TMEM182: variants seen among roughly 807,000 people sequenced by gnomAD.
The protein encoded by TMEM182 is transmembrane protein 182.
In TMEM182, 20 loss-of-function variants were observed where a neutral mutation model predicts 26.8. The ratio of observed to expected loss-of-function variants is 0.75; its 90% CI spans 0.53 to 1.09. TMEM182 has a LOEUF of 1.09. Among genes scored for constraint, TMEM182 ranks in the 50% least tolerant of loss-of-function variants. The pLI is 0.00. For missense variants in TMEM182, 277 were observed against 275.5 expected, an observed-to-expected ratio of 1.01 and a Z score of -0.04; for synonymous variants, 109 against 102.2, an observed-to-expected ratio of 1.07 and a Z score of -0.40.
chr2:102,812,311 A>G (rs1361152407), intron 4 of TMEM182, among the ~76,000 whole-genome samples: 4 of 151,176 alleles, frequency 2.6e-5, no homozygotes, highest in Non-Finnish European at 4.4e-5. Flanking sequence ...TTCCATATCC[A>G]CTAAACCATT....
intron 3 of TMEM182, among the ~76,000 whole-genome samples, chr2:102,792,445 T>C (rs559276976): frequency 6.6e-6 from 1 of 152,328 alleles, no homozygotes; most frequent in South Asian, 2.1e-4. Flanking sequence ...CATGTTTCAG[T>C]TCCCAAATGA....
chr2:102,801,329 A>C (rs1227231530), intron 4 of TMEM182, among the ~76,000 whole-genome samples: 1 of 152,172 alleles, frequency 6.6e-6, no homozygotes, highest in Non-Finnish European at 1.5e-5. Context: ...TAACATCCTG[A>C]GACTGGGCCC....
chr2:102,805,269 G>A (rs1682304402), intron 4 of TMEM182, among the ~76,000 whole-genome samples: 1 of 152,174 alleles, frequency 6.6e-6, no homozygotes, highest in Non-Finnish European at 1.5e-5. Context: ...ACTAATATGG[G>A]AGAAAATGAG....
Position 102,817,059 on chromosome 2 carries a change from C to T in TMEM182, c.*2091C>T, listed in dbSNP as rs10204500. 2.6e-3 allele frequency: 2,528 copies of T among 985,494 alleles called. 61 individuals carry two copies. In the African/African-American group the frequency reaches 0.041, roughly 16 times the overall value. 61.0% of individuals were successfully genotyped at this position (985,494 alleles called of 1,614,324 possible). A position where few individuals can be genotyped will look rare whatever the true frequency, so the allele number is the denominator to read the frequency against. On this transcript the variant is annotated 3_prime_UTR_variant, in exon 5 of 5. Coordinates refer to ENST00000412401, the MANE Select transcript of TMEM182 (RefSeq NM_144632.5). ...ATAGTTGTAATGCATCAATCAAATA[C>T]ATTTCAAGCACATTTCTTGATCAAT...
At chr2:102,828,689 T>G (rs1683091321) in intron 3 of TMEM182, among the ~76,000 whole-genome samples, 1 of 152,120 alleles carries the variant, frequency 6.6e-6, no homozygotes, top group Non-Finnish European at 1.5e-5. Flanking sequence ...CTGAACCTTC[T>G]CTGACCAAGT....
chr2:102,785,171 A>G (rs922893038), intron 3 of TMEM182, among the ~76,000 whole-genome samples: 1 of 152,086 alleles, frequency 6.6e-6, no homozygotes, highest in Non-Finnish European at 1.5e-5. Context: ...TACTTCCCTG[A>G]AGCCAAAGCT....
In TMEM182 at chr2:102,814,886, T is replaced by C. The variant is rs1260159367; in HGVS notation, c.608T>C (p.Leu203Pro). ...GTTCTGTATGGCTGGTCATTTTTCC[T>C]GGCCCCAGCTGGGATATTTTTTTCT... ...PSVLYGWSFF[L>P]APAGIFFSLL... Residue 203 changes from leucine (L) to proline (P), a missense_variant, in exon 5 of 5, where the codon CTG becomes CCG. Coordinates refer to ENST00000412401, the MANE Select transcript of TMEM182 (RefSeq NM_144632.5). 7.4e-6 allele frequency: 12 copies of C among 1,613,908 alleles called. No individual in the cohort carries two copies. Among genetic ancestry groups the C allele is most frequent in the Non-Finnish European group, 8.5e-7 (1 of 1,179,982 alleles).
At chr2:102,759,469 G>A (rs1031577182), upstream of TMEM182, among the ~76,000 whole-genome samples, 1 of 151,894 alleles carries the variant, frequency 6.6e-6, no homozygotes, top group African/African-American at 2.4e-5. Flanking sequence ...TCAAAGTCAG[G>A]GCCTATATAT....
intron 3 of TMEM182, among the ~76,000 whole-genome samples, chr2:102,770,437 G>A (rs942904448): frequency 2.2e-4 from 33 of 152,108 alleles, no homozygotes; most frequent in African/African-American, 6.8e-4. Context: ...ATCCCATCCC[G>A]GTTCACTGCT....
At chr2:102,792,041 T>TACAC (rs34305726) in intron 3 of TMEM182, among the ~76,000 whole-genome samples, 2,918 of 147,120 alleles carry the variant, frequency 0.02, 36 homozygotes, top group African/African-American at 0.027. Flanking sequence ...TATGTGTGTA[T>TACAC]ACACACACAC....
At chr2:102,813,050 T>C (rs950768784) in intron 4 of TMEM182, among the ~76,000 whole-genome samples, 16 of 152,220 alleles carry the variant, frequency 1.1e-4, no homozygotes, top group African/African-American at 2.9e-4. Context: ...AGTGGCTATA[T>C]TGCTCTACTC....
chr2:102,751,279 G>A (rs1463246348), intron 1 of TMEM182, among the ~76,000 whole-genome samples: 1 of 152,156 alleles, frequency 6.6e-6, no homozygotes, highest in Non-Finnish European at 1.5e-5. Flanking sequence ...TTGGCATAGG[G>A]CACACAGATT....
At chr2:102,823,664 T>C (rs1558792264) in intron 3 of TMEM182, among the ~76,000 whole-genome samples, 1 of 152,166 alleles carries the variant, frequency 6.6e-6, no homozygotes, top group African/African-American at 2.4e-5. Context: ...TTCCATTCAC[T>C]GAAAGAAAAT....
At chr2:102,758,937 A>C (rs185374146), upstream of TMEM182, among the ~76,000 whole-genome samples, 3 of 152,192 alleles carry the variant, frequency 2.0e-5, no homozygotes, top group African/African-American at 7.2e-5. Flanking sequence ...GTGGTCTTTC[A>C]TGGCATTTAT....
At chr2:102,823,121 A>T (rs1187086558) in intron 3 of TMEM182, among the ~76,000 whole-genome samples, 5 of 152,140 alleles carry the variant, frequency 3.3e-5, no homozygotes, top group Non-Finnish European at 5.9e-5. Flanking sequence ...AAATGACAGC[A>T]TCTCAGTCTG....
At chr2:102,831,627 C>T (rs1229223439) in intron 3 of TMEM182, among the ~76,000 whole-genome samples, 2 of 152,066 alleles carry the variant, frequency 1.3e-5, no homozygotes, top group East Asian at 3.9e-4. Context: ...TGCGGTGGTA[C>T]ATGCCTGTAG....
chr2:102,762,476 T>G (rs1244926192), intron 1 of TMEM182, 111 bp from the exon 2 acceptor site: 16 of 1,524,662 alleles, frequency 1.0e-5, no homozygotes, highest in Non-Finnish European at 1.3e-5. Flanking sequence ...AGAAAGCTAC[T>G]GAGCTTCATT....
At chr2:102,736,949 G>T (rs1489084987) in exon 1 of TMEM182, 3 of 1,085,744 alleles carry the variant, frequency 2.8e-6, no homozygotes, top group African/African-American at 1.6e-5. Flanking sequence ...CCGCGGGTGC[G>T]TGGCCGGTGC....
In TMEM182 at chr2:102,810,280, T is replaced by C. The variant is rs1682504916; in HGVS notation, c.470-4468T>C. The stretch of plus-strand genomic sequence containing the variant: ...GTTTTTAAATCTGGTTCTTACGGTA[T>C]AGTGAAAAGATCTTTAGAATATGCC... On this transcript the variant is annotated intron_variant, in intron 4 of 4. Transcript: ENST00000412401. Among the ~76,000 whole-genome samples the C allele has an allele frequency of 3.9e-5, 6 of 152,316 alleles. No individual in the cohort carries two copies. In the South Asian group the frequency reaches 1.2e-3, roughly 32 times the overall value.
Sources: allele counts gnomAD v4.1 joint callset (sites outside exome capture counted in the v4.1 genomes callset), GRCh38; gene constraint gnomAD v4.1.1; transcripts MANE v1.5; gene names NCBI Gene and HGNC (gene_info 2026-07-23, HGNC 2026-07-21).